The following EIF3B variants were observed in gnomAD, a reference collection of about 807,000 sequenced individuals.
EIF3B encodes eukaryotic translation initiation factor 3 subunit 9.
Under a neutral mutation model 104.6 loss-of-function variants are expected in EIF3B, and 10 were observed. That is an observed-to-expected ratio of 0.10 (90% CI 0.06 to 0.16). EIF3B has a LOEUF of 0.16. Among genes scored for constraint, EIF3B ranks in the 10% least tolerant of loss-of-function variants. The pLI is 1.00. For missense variants in EIF3B, 1,014 were observed against 1,087.9 expected, an observed-to-expected ratio of 0.93 and a Z score of 0.96; for synonymous variants, 542 against 417.2, an observed-to-expected ratio of 1.30 and a Z score of -3.65.
chr7:2,367,115 AAAAAC>A, intron 9 of EIF3B, 70 bp downstream of exon 9: 4 of 1,393,518 alleles, frequency 2.9e-6, no homozygotes, highest in Non-Finnish European at 4.0e-6. Flanking sequence ...AAAAAAAAAA[AAAAAC>A]ACAATACCAT....
At chr7:2,372,412 C>T (rs373091243) in intron 11 of EIF3B, among the ~76,000 whole-genome samples, 1 of 152,314 alleles carries the variant, frequency 6.6e-6, no homozygotes, top group African/African-American at 2.4e-5. Context: ...CAATGTCGGG[C>T]TCCTGCGGTC....
chr7:2,355,231 C>G lies in EIF3B; in HGVS notation c.310C>G (p.Gln104Glu). The G allele has an allele frequency of 1.3e-6, 2 of 1,503,210 alleles. No homozygotes were observed. Among genetic ancestry groups the G allele is most frequent in the Non-Finnish European group, 1.8e-6 (2 of 1,134,260 alleles). The allele number at this position is 1,503,210 out of a possible 1,614,324, so 93.1% of individuals were successfully genotyped here. The part of the protein sequence containing the change: ...GSHAEPPVPA[Q>E]GEAPGEQARD... ...GCATGCTGAGCCCCCTGTCCCGGCA[C>G]AGGGCGAGGCCCCAGGAGAGCAGGC... The change falls in exon 1 of 19, where the codon CAG becomes GAG. Residue 104 changes from glutamine (Q) to glutamate (E), a missense_variant. Gln to Glu is a conservative substitution (Grantham distance 29). Coordinates refer to ENST00000360876, the MANE Select transcript of EIF3B (RefSeq NM_001037283.2).
rs1472731433 is a variant in EIF3B at position 2,354,907 on chromosome 7, G to A, written c.-15G>A. The A allele has an allele frequency of 8.4e-6, 10 of 1,187,690 alleles. No individual in the cohort carries two copies. Among genetic ancestry groups the A allele is most frequent in the Non-Finnish European group, 1.0e-5 (10 of 958,474 alleles). 73.6% of individuals were successfully genotyped at this position (1,187,690 alleles called of 1,614,324 possible). ...CGGCGGCCGCGGAGCCCTGCGAGTA[G>A]GCAGCGTTGGGCCCATGCAGGACGC... is the stretch of plus-strand genomic sequence containing the variant. On this transcript the variant is annotated 5_prime_UTR_variant, in exon 1 of 19. Transcript: ENST00000360876.
intron 9 of EIF3B, 25 bp from the exon 10 acceptor site, chr7:2,369,447 A>C: frequency 6.2e-7 from 1 of 1,611,604 alleles, no homozygotes; most frequent in South Asian, 1.1e-5. Flanking sequence ...TCTTTGCTTT[A>C]ACATTTTATT....
intron 17 of EIF3B, 27 bp downstream of exon 17, chr7:2,379,269 G>T (rs1283411176): frequency 6.3e-7 from 1 of 1,599,390 alleles, no homozygotes; most frequent in Non-Finnish European, 8.5e-7. Context: ...TCAGTCCCCA[G>T]GAGCTGGCCC....
intron 9 of EIF3B, 144 bp downstream of exon 9, chr7:2,367,189 T>C: frequency 1.3e-6 from 1 of 781,558 alleles, no homozygotes. Context: ...GCTTGGGAGC[T>C]TGAGGTCAGG....
chr7:2,367,307 A>C (rs1780076079), intron 9 of EIF3B, among the ~76,000 whole-genome samples: 1 of 151,924 alleles, frequency 6.6e-6, no homozygotes. Context: ...AAAGTCTCTC[A>C]TCTCATTCCC....
At chr7:2,366,072 T>C (rs527753962) in intron 6 of EIF3B, among the ~76,000 whole-genome samples, 3 of 152,254 alleles carry the variant, frequency 2.0e-5, no homozygotes, top group African/African-American at 7.2e-5. Flanking sequence ...TTAGCAGCCT[T>C]GTGTGGGATC....
rs542593314 is a variant in EIF3B, at chr7:2,375,561, A to G, written c.2028+34A>G. ...CTGTGGGGCATAGTTTTGACTGTGG[A>G]TAGAAGCAGGGAGTGCTGGCTAGCT... On this transcript the variant is annotated intron_variant, in intron 14 of 18. Transcript: ENST00000360876. 1.5e-5 allele frequency: 25 copies of G among 1,613,416 alleles called. No individual in the cohort carries two copies. The East Asian group carries it at 4.5e-4, about 29-fold the overall frequency.
At chr7:2,376,115 C>G (rs1484922701) in intron 14 of EIF3B, 1 of 155,136 alleles carries the variant, frequency 6.4e-6, no homozygotes, top group African/African-American at 2.4e-5. Flanking sequence ...AGTTAGAAAT[C>G]TTCGCATTCG....
chr7:2,370,925 T>C (rs1250122443), intron 10 of EIF3B, among the ~76,000 whole-genome samples: 6 of 152,034 alleles, frequency 3.9e-5, no homozygotes, highest in East Asian at 1.9e-4. Flanking sequence ...TAGCCAGGCG[T>C]GGTGGCGGGT....
At position 2,354,886 on chromosome 7, in the gene EIF3B, G is replaced by A. The variant is rs1278217859; in HGVS notation, c.-36G>A. On this transcript the variant is annotated 5_prime_UTR_variant, in exon 1 of 19. Transcript: ENST00000360876. Reference sequence around the variant, plus strand: ...GGCCTGGGAGAGTCGGAAGCGCGGCGGCCGCGGAGCCCTGCGAGTAGGCAG... The same window carrying A: ...GGCCTGGGAGAGTCGGAAGCGCGGCAGCCGCGGAGCCCTGCGAGTAGGCAG... 2 of 1,156,638 alleles carry A rather than the reference G, an allele frequency of 1.7e-6. No homozygotes were observed. The highest frequency in any genetic ancestry group is 1.1e-6 in the Non-Finnish European group (1 of 941,280). 71.6% of individuals were successfully genotyped at this position (1,156,638 alleles called of 1,614,324 possible).
At chr7:2,354,813 C>T (rs1360495513), upstream of EIF3B, 5 of 1,007,596 alleles carry the variant, frequency 5.0e-6, no homozygotes, top group Non-Finnish European at 4.8e-6. Flanking sequence ...GTGCGGCCTC[C>T]CCGTCGCACG....
chr7:2,361,982 CAG>C lies in EIF3B; in HGVS notation c.693-660_693-659del, dbSNP rs1348386264. Among the ~76,000 whole-genome samples the C allele has an allele frequency of 1.5e-4, 19 of 124,496 alleles. 1 individual carries two copies. Among genetic ancestry groups the C allele is most frequent in the Admixed American group, 1.5e-3 (19 of 13,100 alleles). The allele number at this position is 124,496 out of a possible 152,430, so 81.7% of individuals were successfully genotyped here. A position where few individuals can be genotyped will look rare whatever the true frequency, so the allele number is the denominator to read the frequency against. On this transcript the variant is annotated intron_variant, in intron 2 of 18. Transcript: ENST00000360876. The stretch of plus-strand genomic sequence containing the variant: ...TTATTTATTTATTTATTTATTGAGA[CAG>C]AGTCTTGCTCTGTCACCCAGGCTGG...
chr7:2,367,824 A>ATTTT lies in EIF3B; in HGVS notation c.1403+779_1403+780insTTTT, dbSNP rs1562484073. Reference sequence around the variant, plus strand: ...AACGGTGAGTTTGTTCTTTTTTTAAAATTTTTTTTTTTTTTTTTTTTTTTT... The same window carrying ATTTT: ...AACGGTGAGTTTGTTCTTTTTTTAAATTTTATTTTTTTTTTTTTTTTTTTTTTTT... On this transcript the variant is annotated intron_variant, in intron 9 of 18. Transcript: ENST00000360876. Among the ~76,000 whole-genome samples, 94 of 101,718 alleles carry ATTTT rather than the reference A, an allele frequency of 9.2e-4. 2 individuals are homozygous for ATTTT. The highest frequency in any genetic ancestry group is 3.5e-3 in the African/African-American group (85 of 24,300). 66.7% of individuals were successfully genotyped at this position (101,718 alleles called of 152,430 possible).
intron 1 of EIF3B, among the ~76,000 whole-genome samples, chr7:2,357,515 TCTTG>T (rs963925685): frequency 1.3e-5 from 2 of 152,342 alleles, no homozygotes; most frequent in East Asian, 1.9e-4. Context: ...GGAGTCCCTG[TCTTG>T]CTTTATTACT....
intron 1 of EIF3B, among the ~76,000 whole-genome samples, chr7:2,358,971 C>T (rs994005180): frequency 6.6e-6 from 1 of 152,056 alleles, no homozygotes; most frequent in Non-Finnish European, 1.5e-5. Context: ...GTAGTCCCTG[C>T]TACTTGGGAG....
chr7:2,355,686 C>T (rs1226897008), intron 1 of EIF3B, among the ~76,000 whole-genome samples: 1 of 152,118 alleles, frequency 6.6e-6, no homozygotes, highest in Non-Finnish European at 1.5e-5. Flanking sequence ...AACCAGAAAT[C>T]TGAGAGGGTG....
At chr7:2,359,638 A>C (rs1422556141) in intron 1 of EIF3B, among the ~76,000 whole-genome samples, 1 of 152,240 alleles carries the variant, frequency 6.6e-6, no homozygotes, top group African/African-American at 2.4e-5. Context: ...GAACCCAAGA[A>C]GCGAGGGATA....
Sources: allele counts gnomAD v4.1 joint callset (sites outside exome capture counted in the v4.1 genomes callset), GRCh38; gene constraint gnomAD v4.1.1; transcripts MANE v1.5; gene names NCBI Gene and HGNC (gene_info 2026-07-23, HGNC 2026-07-21).